Variants in CNTNAP2 observed in about 807,000 individuals in gnomAD.
CNTNAP2 encodes contactin-associated protein-like 2.
Under a neutral mutation model 155.2 loss-of-function variants are expected in CNTNAP2, and 98 were observed. The ratio of observed to expected loss-of-function variants is 0.63; its 90% confidence interval spans 0.54 to 0.75. CNTNAP2 has a LOEUF of 0.75. Among genes scored for constraint, CNTNAP2 ranks in the 30% least tolerant of loss-of-function variants. CNTNAP2 has a pLI of 0.00. For missense variants in CNTNAP2, 1,727 were observed against 1,688.1 expected, an observed-to-expected ratio of 1.02 and a Z score of -0.40; for synonymous variants, 651 against 631.2, an observed-to-expected ratio of 1.03 and a Z score of -0.47.
chr7:147,823,521 C>T (rs188274776), intron 13 of CNTNAP2, among the ~76,000 whole-genome samples: 15 of 152,126 alleles, frequency 9.9e-5, no homozygotes, highest in South Asian at 4.1e-4. Context: ...TGAAGACACG[C>T]GCCCTGAAAA....
At chr7:147,798,831 G>T (rs754306678) in intron 13 of CNTNAP2, among the ~76,000 whole-genome samples, 7 of 152,208 alleles carry the variant, frequency 4.6e-5, no homozygotes, top group Non-Finnish European at 1.0e-4. Context: ...AAGGAGAGCA[G>T]AGAATGAACA....
intron 13 of CNTNAP2, among the ~76,000 whole-genome samples, chr7:147,742,724 A>G (rs924742458): frequency 2.0e-5 from 3 of 152,222 alleles, no homozygotes; most frequent in African/African-American, 2.4e-5. Flanking sequence ...CTTGGAAAAT[A>G]TATCTTAAAC....
chr7:147,790,651 C>T (rs762920114), intron 13 of CNTNAP2, among the ~76,000 whole-genome samples: 4 of 152,224 alleles, frequency 2.6e-5, no homozygotes, highest in Non-Finnish European at 4.4e-5. Flanking sequence ...TCTATGTTTG[C>T]ATGGATTCAA....
At position 147,108,030 on chromosome 7, in the gene CNTNAP2, G is replaced by T. The variant is rs1248719130; in HGVS notation, c.551-117G>T. The T allele has an allele frequency of 3.6e-5, 33 of 908,976 alleles. No individual in the cohort carries two copies. The East Asian group carries it at 7.5e-4, about 21-fold the overall frequency. The allele number at this position is 908,976 out of a possible 1,614,324, so 56.3% of individuals were successfully genotyped here. Reference sequence around the variant, plus strand: ...AGGAATAGAAGAAAAACAGAGGACTGTCAATTTCTCAAGAAAAACACTTAC... The same window carrying T: ...AGGAATAGAAGAAAAACAGAGGACTTTCAATTTCTCAAGAAAAACACTTAC... On this transcript the variant is annotated intron_variant, in intron 4 of 23. Transcript: ENST00000361727.
chr7:147,240,115 G>A (rs1394721001), intron 8 of CNTNAP2, among the ~76,000 whole-genome samples: 5 of 152,026 alleles, frequency 3.3e-5, no homozygotes, highest in African/African-American at 1.2e-4. Context: ...GACAACCATA[G>A]TATTTAGCCT....
intron 23 of CNTNAP2, among the ~76,000 whole-genome samples, chr7:148,414,591 T>C (rs1049072981): frequency 6.6e-6 from 1 of 151,880 alleles, no homozygotes; most frequent in Non-Finnish European, 1.5e-5. Flanking sequence ...TGGCTCTCCT[T>C]CTAATTGACT....
intron 9 of CNTNAP2, among the ~76,000 whole-genome samples, chr7:147,366,959 G>A (rs1796242529): frequency 1.3e-5 from 2 of 152,100 alleles, no homozygotes; most frequent in Admixed American, 1.3e-4. Flanking sequence ...TTTCCTAATT[G>A]TCGGCCAAAG....
chr7:146,821,611 C>A (rs374384967), intron 2 of CNTNAP2, among the ~76,000 whole-genome samples: 236 of 151,778 alleles, frequency 1.6e-3, no homozygotes, highest in Middle Eastern at 0.01. Context: ...CAATGAACTC[C>A]AACAAATTTA....
At chr7:146,459,226 G>A (rs1445973072) in intron 1 of CNTNAP2, among the ~76,000 whole-genome samples, 1 of 152,068 alleles carries the variant, frequency 6.6e-6, no homozygotes. Context: ...TTGTCCCATG[G>A]ATGCTGACTC....
At chr7:146,671,826 A>T (rs2907672) in intron 1 of CNTNAP2, among the ~76,000 whole-genome samples, 120,139 of 150,344 alleles carry the variant, frequency 0.8, 48,474 homozygotes, top group South Asian at 0.89. Flanking sequence ...TTTTATTTTT[A>T]TTTTTTTTTG....
At chr7:147,375,309 A>T (rs1327210692) in intron 9 of CNTNAP2, among the ~76,000 whole-genome samples, 1 of 152,024 alleles carries the variant, frequency 6.6e-6, no homozygotes, top group Non-Finnish European at 1.5e-5. Context: ...ACAAACTGTG[A>T]GTCACAATTT....
At chr7:146,393,716 G>A (rs1165123141) in intron 1 of CNTNAP2, among the ~76,000 whole-genome samples, 1 of 151,902 alleles carries the variant, frequency 6.6e-6, no homozygotes, top group Non-Finnish European at 1.5e-5. Flanking sequence ...CTTCATAGAT[G>A]TGGCTGGCAG....
chr7:146,464,577 C>T (rs551455688), intron 1 of CNTNAP2, among the ~76,000 whole-genome samples: 1 of 152,136 alleles, frequency 6.6e-6, no homozygotes, highest in East Asian at 1.9e-4. Flanking sequence ...GTTGCACCTT[C>T]TTCCCTCTTT....
At chr7:147,207,113 C>T (rs1803038123) in intron 8 of CNTNAP2, among the ~76,000 whole-genome samples, 2 of 152,270 alleles carry the variant, frequency 1.3e-5, no homozygotes, top group African/African-American at 2.4e-5. Context: ...AAATGCCTCT[C>T]GTTGGCAGAA....
intron 8 of CNTNAP2, among the ~76,000 whole-genome samples, chr7:147,215,739 T>C (rs541908402): frequency 2.5e-4 from 38 of 152,200 alleles, no homozygotes; most frequent in Non-Finnish European, 4.9e-4. Flanking sequence ...ACCATAAGAG[T>C]ATGTTTAATT....
intron 1 of CNTNAP2, among the ~76,000 whole-genome samples, chr7:146,736,683 G>T (rs1161736866): frequency 6.6e-6 from 1 of 152,212 alleles, no homozygotes; most frequent in Non-Finnish European, 1.5e-5. Context: ...ATACTGAAGT[G>T]CTAAGCATGG....
rs542114675 is a variant in CNTNAP2 at position 146,968,240 on chromosome 7, A to G, written c.403-75667A>G. Among the ~76,000 whole-genome samples, 7 of 152,130 alleles carry G rather than the reference A, an allele frequency of 4.6e-5. No individual in the cohort carries two copies. The East Asian group carries it at 9.6e-4, about 21-fold the overall frequency. ...TATTTTATTGCGGATTTTTGCATCAATGTTCATCAAGGATATTGGTCTAAA... is the reference window on the plus strand; with the variant it reads ...TATTTTATTGCGGATTTTTGCATCAGTGTTCATCAAGGATATTGGTCTAAA... On this transcript the variant is annotated intron_variant, in intron 3 of 23. Transcript: ENST00000361727.
chr7:147,144,505 G>C (rs532443384), intron 8 of CNTNAP2, among the ~76,000 whole-genome samples: 1 of 152,230 alleles, frequency 6.6e-6, no homozygotes, highest in African/African-American at 2.4e-5. Flanking sequence ...GTGAAATCTG[G>C]ATCACATGTA....
intron 12 of CNTNAP2, among the ~76,000 whole-genome samples, chr7:147,595,534 T>C (rs1800811999): frequency 6.6e-6 from 1 of 152,236 alleles, no homozygotes; most frequent in Non-Finnish European, 1.5e-5. Flanking sequence ...TATTCCCTAC[T>C]GATGTACATC....
Sources: allele counts gnomAD v4.1 joint callset (sites outside exome capture counted in the v4.1 genomes callset), GRCh38; gene constraint gnomAD v4.1.1; transcripts MANE v1.5; gene names NCBI Gene and HGNC (gene_info 2026-07-23, HGNC 2026-07-21).